PKHD1: variants seen among roughly 807,000 people sequenced by gnomAD.
The protein encoded by PKHD1 is PKHD1 ciliary IPT domain containing fibrocystin/polyductin, also known as fibrocystin.
In PKHD1, 291 loss-of-function variants were observed where a neutral mutation model predicts 412.0. That is an observed-to-expected ratio of 0.71 (90% CI 0.64 to 0.78). The LOEUF (loss-of-function observed/expected upper bound fraction) is 0.78, where lower values mean the gene tolerates loss of function less well. PKHD1 is among the 30% of genes least tolerant of loss of function. The pLI, the probability that PKHD1 is intolerant of heterozygous loss-of-function variation, is 0.00. For synonymous variants in PKHD1, 1,777 were observed against 1,821.5 expected (o/e 0.98, Z 0.62); for missense variants, 4,825 against 4,950.7 (o/e 0.97, Z 0.76).
chr6:51,622,465 C>G (rs2150254594), intron 66 of PKHD1: 1 of 152,202 alleles, frequency 6.6e-6, no homozygotes, highest in East Asian at 1.9e-4. Context: ...ACAGATCAAC[C>G]AACAACAAGA....
intron 36 of PKHD1, among the ~76,000 whole-genome samples, chr6:51,939,914 A>G (rs1424794724): frequency 6.6e-6 from 1 of 151,308 alleles, no homozygotes; most frequent in Non-Finnish European, 1.5e-5. Flanking sequence ...TCATCACACC[A>G]GGTCTGGCTT....
At chr6:51,919,703 T>C (rs1399464674) in intron 37 of PKHD1, among the ~76,000 whole-genome samples, 1 of 152,234 alleles carries the variant, frequency 6.6e-6, no homozygotes, top group Admixed American at 6.5e-5. Context: ...GCATTGAATC[T>C]ATAACTTACC....
chr6:51,659,681 C>T lies in PKHD1; in HGVS notation c.10445G>A (p.Arg3482His), dbSNP rs143915416. 213 of 1,613,640 alleles carry T rather than the reference C, an allele frequency of 1.3e-4. No homozygotes were observed. Among genetic ancestry groups the T allele is most frequent in the Middle Eastern group, 1.6e-4 (1 of 6,080 alleles). Reference sequence around the variant, plus strand: ...ACTTTTGTTCCCCAATAGAAAAAAGCGCAAAACTTGAGGAGTTTGATCCAT... The same window carrying T: ...ACTTTTGTTCCCCAATAGAAAAAAGTGCAAAACTTGAGGAGTTTGATCCAT... The part of the protein sequence containing the change: ...CFMDQTPQVL[R>H]FFLLGNKSTS... The change falls in exon 61 of 67, where the codon CGC (arginine) becomes CAC (histidine). Residue 3482 changes from arginine to histidine, a missense_variant. Coordinates refer to ENST00000371117, the MANE Select transcript of PKHD1 (RefSeq NM_138694.4).
intron 49 of PKHD1, among the ~76,000 whole-genome samples, chr6:51,851,624 G>A (rs1772258622): frequency 6.6e-6 from 1 of 152,048 alleles, no homozygotes; most frequent in South Asian, 2.1e-4. Flanking sequence ...GCTTCTTCCT[G>A]GATTAGTCTT....
chr6:51,643,305 A>G (rs1350222822), intron 63 of PKHD1, among the ~76,000 whole-genome samples: 2 of 152,178 alleles, frequency 1.3e-5, no homozygotes, highest in Non-Finnish European at 2.9e-5. Flanking sequence ...TGTGTCTACA[A>G]ATCTGTACAA....
chr6:51,811,742 T>C (rs920389877), intron 52 of PKHD1, among the ~76,000 whole-genome samples: 1 of 152,152 alleles, frequency 6.6e-6, no homozygotes, highest in Non-Finnish European at 1.5e-5. Flanking sequence ...TGATATGTAG[T>C]AAAATACTCA....
chr6:51,979,243 C>T (rs964868711), intron 35 of PKHD1, among the ~76,000 whole-genome samples: 2 of 152,088 alleles, frequency 1.3e-5, no homozygotes, highest in Non-Finnish European at 2.9e-5. Context: ...CTCATGTAGG[C>T]CTTAGTTTAA....
At chr6:51,870,899 A>T (rs1034047879) in intron 46 of PKHD1, among the ~76,000 whole-genome samples, 1 of 152,146 alleles carries the variant, frequency 6.6e-6, no homozygotes, top group Non-Finnish European at 1.5e-5. Context: ...AAAAGAAAAT[A>T]TACAGATAGC....
At chr6:52,043,961 T>A in intron 25 of PKHD1, among the ~76,000 whole-genome samples, 1 of 152,198 alleles carries the variant, frequency 6.6e-6, no homozygotes, top group East Asian at 1.9e-4. Context: ...TGTAATTAAA[T>A]GTGATAAATA....
intron 52 of PKHD1, among the ~76,000 whole-genome samples, chr6:51,829,303 A>G (rs1767850994): frequency 8.5e-6 from 1 of 117,536 alleles, no homozygotes; most frequent in South Asian, 2.4e-4. Context: ...GACCCAGGAC[A>G]CACAGTGGAC....
At chr6:51,899,940 C>T (rs1265416420) in intron 43 of PKHD1, among the ~76,000 whole-genome samples, 1 of 151,928 alleles carries the variant, frequency 6.6e-6, no homozygotes, top group Admixed American at 6.6e-5. Flanking sequence ...GAATAAAATA[C>T]CTAGGAATCC....
intron 55 of PKHD1, 103 bp downstream of exon 55, chr6:51,772,599 T>G: frequency 3.2e-6 from 2 of 616,126 alleles, no homozygotes; most frequent in Non-Finnish European, 5.8e-6. Context: ...CCTTTAATTA[T>G]AATGTTTAAC....
intron 65 of PKHD1, among the ~76,000 whole-genome samples, chr6:51,631,977 G>A (rs1183986337): frequency 1.6e-5 from 2 of 128,262 alleles, no homozygotes; most frequent in East Asian, 4.4e-4. Flanking sequence ...TTTCACTCCT[G>A]TCACCCAGGC....
chr6:51,702,913 C>T (rs1479891801), intron 60 of PKHD1, among the ~76,000 whole-genome samples: 14 of 122,454 alleles, frequency 1.1e-4, no homozygotes, highest in South Asian at 2.6e-4. Flanking sequence ...TTTTTGCTTG[C>T]GGTTACCTTC....
chr6:51,946,419 G>C (rs995546390), intron 36 of PKHD1, among the ~76,000 whole-genome samples: 2 of 152,152 alleles, frequency 1.3e-5, no homozygotes, highest in Admixed American at 6.5e-5. Context: ...TTATGTGAAA[G>C]AAGATAAAGT....
chr6:52,026,535 ATAT>A (rs1802213592), intron 31 of PKHD1, among the ~76,000 whole-genome samples: 1 of 152,196 alleles, frequency 6.6e-6, no homozygotes, highest in South Asian at 2.1e-4. Flanking sequence ...ATTATTGGAA[ATAT>A]TATCCTGTAT....
chr6:52,044,844 G>T, intron 25 of PKHD1, 122 bp downstream of exon 25: 1 of 1,077,644 alleles, frequency 9.3e-7, no homozygotes, highest in Non-Finnish European at 1.4e-6. Context: ...AAGTACCCCT[G>T]TTTTACACAT....
intron 61 of PKHD1, among the ~76,000 whole-genome samples, chr6:51,656,566 A>G (rs1183344956): frequency 1.3e-5 from 2 of 152,144 alleles, no homozygotes; most frequent in Non-Finnish European, 2.9e-5. Context: ...GAGAAAGACC[A>G]GAAGAGGCTA....
chr6:51,848,237 A>G (rs1378575762), intron 49 of PKHD1, among the ~76,000 whole-genome samples: 2 of 152,208 alleles, frequency 1.3e-5, no homozygotes, highest in Non-Finnish European at 1.5e-5. Context: ...AACAATCTCA[A>G]TTACCAGAGG....
Sources: allele counts gnomAD v4.1 joint callset (sites outside exome capture counted in the v4.1 genomes callset), GRCh38; gene constraint gnomAD v4.1.1; transcripts MANE v1.5; gene names NCBI Gene and HGNC (gene_info 2026-07-23, HGNC 2026-07-21).